The following DGKH variants were observed in gnomAD, a reference collection of about 807,000 sequenced individuals.
DGKH encodes the protein diacylglycerol kinase eta, also known as DAG kinase eta.
Under a neutral mutation model 159.3 loss-of-function variants are expected in DGKH, and 90 were observed. The observed-to-expected ratio is 0.57, with a 90% CI of 0.48 to 0.67. DGKH has a LOEUF of 0.67. Among genes scored for constraint, DGKH ranks in the 30% least tolerant of loss-of-function variants. The probability of loss-of-function intolerance (pLI) is 0.00; values close to 1 mark genes in which losing one functional copy is unlikely to be tolerated. For missense variants in DGKH, 1,181 were observed against 1,506.1 expected, an observed-to-expected ratio of 0.78 and a Z score of 3.57; for synonymous variants, 536 against 553.8, an observed-to-expected ratio of 0.97 and a Z score of 0.45.
rs911475221 is a variant in DGKH at position 42,084,427 on chromosome 13, T to C, written c.192+35462T>C. On this transcript the variant is annotated intron_variant, in intron 1 of 29. Coordinates refer to ENST00000337343, the MANE Select transcript of DGKH (RefSeq NM_178009.5). ...GTATATAAGAGTGCTTGTGTGTTTT[T>C]AGTTTAGGTGTAAATATTTAAAACT... is the stretch of plus-strand genomic sequence containing the variant. Among the ~76,000 whole-genome samples the C allele has an allele frequency of 2.0e-5, 3 of 152,178 alleles. 1 individual carries two copies. Among genetic ancestry groups the C allele is most frequent in the Non-Finnish European group, 2.9e-5 (2 of 68,014 alleles).
intron 2 of DGKH, among the ~76,000 whole-genome samples, chr13:42,128,037 T>C (rs1955207492): frequency 6.6e-6 from 1 of 152,148 alleles, no homozygotes. Flanking sequence ...GTGGACAGCA[T>C]GTGTTGCTGA....
At chr13:42,046,670 T>A (rs1429375414), upstream of DGKH, among the ~76,000 whole-genome samples, 1 of 152,244 alleles carries the variant, frequency 6.6e-6, no homozygotes, top group East Asian at 1.9e-4. Context: ...GGGCATTAGA[T>A]AATGCCTTTC....
At chr13:42,191,500 G>T (rs1957064502) in intron 16 of DGKH, among the ~76,000 whole-genome samples, 1 of 152,032 alleles carries the variant, frequency 6.6e-6, no homozygotes, top group South Asian at 2.1e-4. Context: ...TAAAATAAAA[G>T]TTGAAATTAT....
intron 1 of DGKH, chr13:42,070,631 G>T: frequency 1.2e-5 from 19 of 1,611,376 alleles, no homozygotes; most frequent in Non-Finnish European, 1.5e-5. Context: ...AGATTAGTTG[G>T]TTTGAGATCT....
chr13:42,214,434 A>G lies in DGKH; in HGVS notation c.3015-73A>G. 4.9e-6 allele frequency: 7 copies of G among 1,440,546 alleles called. 1 individual carries two copies. The South Asian group carries it at 9.0e-5, about 19-fold the overall frequency. The allele number at this position is 1,440,546 out of a possible 1,614,324, so 89.2% of individuals were successfully genotyped here. ...TATTTTTTACTTGTTTTATCCTAAC[A>G]TTTCTATACTTCAAAAAAAATGAGC... On this transcript the variant is annotated intron_variant, in intron 24 of 29. Coordinates refer to ENST00000337343, the MANE Select transcript of DGKH (RefSeq NM_178009.5).
intron 17 of DGKH, 69 bp downstream of exon 17, chr13:42,195,085 A>G (rs1957172130): frequency 5.8e-6 from 9 of 1,541,664 alleles, no homozygotes; most frequent in South Asian, 1.2e-5. Flanking sequence ...ATTTATTTCT[A>G]TTACTGTGGA....
chr13:42,151,869 A>G (rs749841629), intron 3 of DGKH, among the ~76,000 whole-genome samples: 9 of 152,094 alleles, frequency 5.9e-5, no homozygotes, highest in Non-Finnish European at 1.2e-4. Flanking sequence ...AGAAATCTCT[A>G]TACTGTTTTC....
rs1398740148 is a variant in DGKH at position 42,210,672 on chromosome 13, C to A, written c.2921C>A (p.Thr974Asn). ...KCDSGKPVLR[T>N]HLYIHHAIDL... ...GATTCTGGTAAACCAGTTCTCCGAA[C>A]CCATTTGTACATCCATCACGCCATT... Residue 974 changes from threonine to asparagine, a missense_variant, in exon 24 of 30, where the codon ACC becomes AAC. By Grantham distance (65) the Thr-to-Asn change is moderately conservative. Transcript: ENST00000337343. The A allele has an allele frequency of 3.1e-6, 5 of 1,611,966 alleles. No individual in the cohort carries two copies. Among genetic ancestry groups the A allele is most frequent in the South Asian group, 1.1e-5 (1 of 90,990 alleles).
At chr13:42,163,923 A>G (rs1265180811) in intron 7 of DGKH, among the ~76,000 whole-genome samples, 1 of 152,236 alleles carries the variant, frequency 6.6e-6, no homozygotes, top group Non-Finnish European at 1.5e-5. Flanking sequence ...TGTTTCAGAC[A>G]TGAAGTCCTT....
chr13:42,169,838 T>C (rs1956401519), intron 11 of DGKH, among the ~76,000 whole-genome samples: 1 of 152,182 alleles, frequency 6.6e-6, no homozygotes, highest in South Asian at 2.1e-4. Context: ...GTAGCTTGGG[T>C]GCATAAAAGT....
intron 1 of DGKH, among the ~76,000 whole-genome samples, chr13:42,056,151 T>G (rs1881740092): frequency 6.6e-6 from 1 of 152,192 alleles, no homozygotes; most frequent in African/African-American, 2.4e-5. Context: ...GATTTTAAAG[T>G]GGTCAACAGC....
chr13:42,116,668 T>G (rs1314747400), intron 1 of DGKH, among the ~76,000 whole-genome samples: 1 of 152,240 alleles, frequency 6.6e-6, no homozygotes, highest in Admixed American at 6.5e-5. Flanking sequence ...TGCATTCTCC[T>G]TGGGGCATTA....
chr13:42,084,366 C>A (rs962480235), intron 1 of DGKH, among the ~76,000 whole-genome samples: 6 of 152,052 alleles, frequency 3.9e-5, no homozygotes, highest in Non-Finnish European at 8.8e-5. Flanking sequence ...TTTGATACTA[C>A]ATCTTAGGAA....
chr13:42,166,654 G>A lies in DGKH; in HGVS notation c.1098G>A (p.Met366Ile). ...LLNPAQVFDL[M>I]NGGPHLGLRL... is the part of the protein sequence containing the mutation. ...ATCCGGCTCAGGTGTTTGATTTAAT[G>A]AATGGAGGTCCTCATTTAGGGTAAC... is the stretch of plus-strand genomic sequence containing the variant. The change falls in exon 9 of 30, where the codon ATG becomes ATA. Residue 366 changes from methionine to isoleucine, a missense_variant. This residue lies in a region of DGKH where 369 missense variants were observed against 519.4 expected (regional missense o/e 0.71). Coordinates refer to ENST00000337343, the MANE Select transcript of DGKH (RefSeq NM_178009.5). The A allele has an allele frequency of 6.3e-7, 1 of 1,599,270 alleles. No individual in the cohort carries two copies. Among genetic ancestry groups the A allele is most frequent in the Non-Finnish European group, 8.5e-7 (1 of 1,173,884 alleles).
At chr13:42,159,737 G>A (rs913285703) in intron 6 of DGKH, among the ~76,000 whole-genome samples, 1 of 152,098 alleles carries the variant, frequency 6.6e-6, no homozygotes, top group African/African-American at 2.4e-5. Flanking sequence ...CCATGCATAT[G>A]GATTTCTGGG....
rs141428189 is a variant in DGKH at position 42,080,460 on chromosome 13, G to A, written c.192+31495G>A. Reference sequence around the variant, plus strand: ...TCCAGTATAAGCTCATACCTAGGCCGTATTCTAGTGAAATTTTTTGAGTGG... The same window carrying A: ...TCCAGTATAAGCTCATACCTAGGCCATATTCTAGTGAAATTTTTTGAGTGG... On this transcript the variant is annotated intron_variant, in intron 1 of 29. Coordinates refer to ENST00000337343, the MANE Select transcript of DGKH (RefSeq NM_178009.5). 4.2e-3 allele frequency among the ~76,000 whole-genome samples: 642 copies of A among 152,188 alleles called. 2 individuals are homozygous for A. The highest frequency in any genetic ancestry group is 0.011 in the South Asian group (54 of 4,824).
chr13:42,221,714 A>G (rs1430573277), intron 29 of DGKH, among the ~76,000 whole-genome samples: 5 of 152,206 alleles, frequency 3.3e-5, no homozygotes, highest in Non-Finnish European at 7.3e-5. Flanking sequence ...TTATTGCATC[A>G]GCATGGAAGG....
At chr13:42,217,513 G>A (rs55645844) in intron 26 of DGKH, among the ~76,000 whole-genome samples, 23,237 of 151,578 alleles carry the variant, frequency 0.15, 1,936 homozygotes, top group African/African-American at 0.24. Context: ...AGAGTGCTGG[G>A]ATTACAGGCA....
At chr13:42,226,258 A>C (rs940829062) in intron 29 of DGKH, among the ~76,000 whole-genome samples, 8 of 152,236 alleles carry the variant, frequency 5.3e-5, no homozygotes, top group African/African-American at 1.9e-4. Context: ...ACTATCTCAC[A>C]CTAGTCAGAA....
Sources: allele counts gnomAD v4.1 joint callset (sites outside exome capture counted in the v4.1 genomes callset), GRCh38; gene constraint gnomAD v4.1.1; regional missense constraint gnomAD v4.1.1; transcripts MANE v1.5; gene names NCBI Gene and HGNC (gene_info 2026-07-23, HGNC 2026-07-21).